Variants in CADM2 observed in about 807,000 individuals in gnomAD.
CADM2 encodes cell adhesion molecule 2, also known as immunoglobulin superfamily member 4D.
In CADM2, 12 loss-of-function variants were observed where a neutral mutation model predicts 49.8. The observed-to-expected ratio is 0.24, with a 90% confidence interval of 0.15 to 0.39. The LOEUF is 0.39. Ranked by LOEUF, CADM2 falls within the 10% of genes least tolerant of loss-of-function variation. The pLI is 1.00. For synonymous variants in CADM2, 214 were observed against 175.4 expected (o/e 1.22, Z -1.74); for missense variants, 378 against 492.3 (o/e 0.77, Z 2.20).
intron 1 of CADM2, among the ~76,000 whole-genome samples, chr3:85,110,325 C>T (rs2038403192): frequency 6.6e-6 from 1 of 151,696 alleles, no homozygotes. Flanking sequence ...TTGCACTCTT[C>T]CTTTCCACTT....
intron 9 of CADM2, 152 bp from the exon 10 acceptor site, chr3:86,066,513 G>GT: frequency 1.6e-6 from 1 of 636,786 alleles, no homozygotes; most frequent in Admixed American, 2.8e-5. Context: ...CCTGAAAACT[G>GT]TAAGAAAACA....
chr3:85,319,158 GCTAA>G (rs1212104392), intron 1 of CADM2, among the ~76,000 whole-genome samples: 7 of 152,254 alleles, frequency 4.6e-5, no homozygotes, highest in Non-Finnish European at 8.8e-5. Context: ...ATAAATCAAT[GCTAA>G]CTGTCATTTA....
intron 6 of CADM2, among the ~76,000 whole-genome samples, chr3:85,930,667 A>G (rs1720472629): frequency 1.3e-5 from 2 of 151,834 alleles, no homozygotes; most frequent in South Asian, 2.1e-4. Flanking sequence ...AGTTGAATTG[A>G]TTTGATTTTT....
intron 1 of CADM2, among the ~76,000 whole-genome samples, chr3:85,489,361 T>C (rs2039564047): frequency 6.6e-6 from 1 of 152,186 alleles, no homozygotes; most frequent in East Asian, 1.9e-4. Flanking sequence ...ACTGTATCTC[T>C]TTAGACTGAT....
At chr3:84,984,048 T>C (rs201927321) in intron 1 of CADM2, among the ~76,000 whole-genome samples, 17,230 of 143,082 alleles carry the variant, frequency 0.12, 1,269 homozygotes, top group East Asian at 0.18. Context: ...TATATATATA[T>C]ACACACACAC....
At chr3:85,880,828 G>C (rs898303775) in intron 3 of CADM2, among the ~76,000 whole-genome samples, 1 of 152,154 alleles carries the variant, frequency 6.6e-6, no homozygotes, top group Non-Finnish European at 1.5e-5. Context: ...CTAGCTTTTC[G>C]AAGTTTCCTC....
chr3:85,697,188 A>G (rs2066594657), intron 1 of CADM2, among the ~76,000 whole-genome samples: 1 of 151,590 alleles, frequency 6.6e-6, no homozygotes, highest in African/African-American at 2.4e-5. Context: ...ACAGATGAAA[A>G]CAATGTATTT....
At chr3:85,834,465 A>G (rs2074318596) in intron 3 of CADM2, among the ~76,000 whole-genome samples, 1 of 151,802 alleles carries the variant, frequency 6.6e-6, no homozygotes, top group East Asian at 1.9e-4. Flanking sequence ...GTATAAGTAG[A>G]AAAATCCACT....
At chr3:85,914,577 G>C (rs181072463) in intron 6 of CADM2, among the ~76,000 whole-genome samples, 1 of 152,206 alleles carries the variant, frequency 6.6e-6, no homozygotes, top group Non-Finnish European at 1.5e-5. Context: ...TGACTACTTA[G>C]TTAACGGTAA....
At chr3:85,881,508 T>C (rs1712769585) in intron 3 of CADM2, among the ~76,000 whole-genome samples, 2 of 152,210 alleles carry the variant, frequency 1.3e-5, no homozygotes, top group Non-Finnish European at 2.9e-5. Context: ...GCTAATTAGA[T>C]TTATTCTAAG....
chr3:85,083,508 A>T (rs112574201), intron 1 of CADM2, among the ~76,000 whole-genome samples: 2 of 152,138 alleles, frequency 1.3e-5, no homozygotes, highest in African/African-American at 4.8e-5. Context: ...TCTTGAATAT[A>T]AAGAGATCAC....
chr3:85,167,754 A>G (rs758248058), intron 1 of CADM2, among the ~76,000 whole-genome samples: 1 of 152,210 alleles, frequency 6.6e-6, no homozygotes, highest in Non-Finnish European at 1.5e-5. Context: ...TCCTTATCAT[A>G]TAAGTAGCAT....
At chr3:85,974,245 A>G (rs1726509980) in intron 8 of CADM2, among the ~76,000 whole-genome samples, 1 of 151,604 alleles carries the variant, frequency 6.6e-6, no homozygotes. Flanking sequence ...TAAAGGATGG[A>G]CATGAATGAG....
chr3:85,582,725 A>G (rs916264270), intron 1 of CADM2, among the ~76,000 whole-genome samples: 3 of 152,178 alleles, frequency 2.0e-5, no homozygotes, highest in Non-Finnish European at 4.4e-5. Flanking sequence ...GGAACTGGGC[A>G]TAACATTTGA....
At chr3:85,229,047 C>T (rs1402492750) in intron 1 of CADM2, among the ~76,000 whole-genome samples, 1 of 152,134 alleles carries the variant, frequency 6.6e-6, no homozygotes, top group Admixed American at 6.5e-5. Context: ...AGGCAGTTGG[C>T]CTTCCTGAGC....
intron 5 of CADM2, among the ~76,000 whole-genome samples, chr3:85,902,722 T>A (rs1245059495): frequency 6.6e-6 from 1 of 151,608 alleles, no homozygotes; most frequent in Non-Finnish European, 1.5e-5. Flanking sequence ...ATTTTTAAAT[T>A]ATATTGTTAG....
chr3:85,989,981 C>T (rs1204898846), intron 8 of CADM2, among the ~76,000 whole-genome samples: 14 of 115,576 alleles, frequency 1.2e-4, no homozygotes, highest in African/African-American at 4.4e-4. Flanking sequence ...CACTGCCCTC[C>T]AGCCTGGGCG....
At chr3:86,066,361 T>G (rs1157795783) in intron 9 of CADM2, among the ~76,000 whole-genome samples, 1 of 57,824 alleles carries the variant, frequency 1.7e-5, no homozygotes, top group Non-Finnish European at 3.1e-5. Context: ...AAAAAAAAGA[T>G]CTTAACAAAA....
In CADM2 at chr3:85,935,692, A is replaced by C. The variant is rs541579377; in HGVS notation, c.701-75A>C. 6.1e-6 allele frequency: 4 copies of C among 654,222 alleles called. No individual in the cohort carries two copies. The East Asian group carries it at 1.1e-4, about 18-fold the overall frequency. The allele number at this position is 654,222 out of a possible 1,614,324, so 40.5% of individuals were successfully genotyped here. The stretch of plus-strand genomic sequence containing the variant: ...AATATATAAGAAATGCTGAACACAC[A>C]GCATGATGCACAGTTATTAAATATC... On this transcript the variant is annotated intron_variant, in intron 6 of 9. Transcript: ENST00000383699.
Sources: allele counts gnomAD v4.1 joint callset (sites outside exome capture counted in the v4.1 genomes callset), GRCh38; gene constraint gnomAD v4.1.1; transcripts MANE v1.5; gene names NCBI Gene and HGNC (gene_info 2026-07-23, HGNC 2026-07-21).